DLG2: variants seen among roughly 807,000 people sequenced by gnomAD.
DLG2 encodes disks large homolog 2.
Under a neutral mutation model 132.5 loss-of-function variants are expected in DLG2, and 45 were observed. The observed-to-expected ratio is 0.34, with a 90% confidence interval of 0.27 to 0.44. The LOEUF is 0.44. Among genes scored for constraint, DLG2 ranks in the 20% least tolerant of loss-of-function variants. The pLI is 1.00. For missense variants in DLG2, 1,045 were observed against 1,196.9 expected, an observed-to-expected ratio of 0.87 and a Z score of 1.87; for synonymous variants, 424 against 419.6, an observed-to-expected ratio of 1.01 and a Z score of -0.13.
intron 8 of DLG2, among the ~76,000 whole-genome samples, chr11:84,235,006 C>T (rs920669547): frequency 7.9e-5 from 12 of 152,156 alleles, no homozygotes; most frequent in South Asian, 2.1e-4. Flanking sequence ...GTGAAGCCTG[C>T]GGCCTGGAAG....
intron 3 of DLG2, among the ~76,000 whole-genome samples, chr11:85,465,205 C>T (rs192220221): frequency 6.3e-5 from 9 of 142,156 alleles, no homozygotes; most frequent in African/African-American, 1.8e-4. Flanking sequence ...TGTCGTGGCA[C>T]AATCATAGCT....
At chr11:85,384,960 G>C (rs534058225) in intron 3 of DLG2, among the ~76,000 whole-genome samples, 2 of 152,264 alleles carry the variant, frequency 1.3e-5, no homozygotes, top group South Asian at 4.1e-4. Flanking sequence ...GATTAAATGA[G>C]AAAAAATAAA....
At chr11:85,120,331 G>C (rs751588479) in intron 5 of DLG2, among the ~76,000 whole-genome samples, 1 of 151,980 alleles carries the variant, frequency 6.6e-6, no homozygotes, top group Non-Finnish European at 1.5e-5. Context: ...TATGTTCTCA[G>C]TTTAAACAGA....
At chr11:84,744,777 G>T (rs754974987) in intron 6 of DLG2, among the ~76,000 whole-genome samples, 2 of 151,552 alleles carry the variant, frequency 1.3e-5, no homozygotes, top group East Asian at 1.9e-4. Flanking sequence ...AAATAAATAA[G>T]TCTGATGGGA....
At chr11:83,893,021 G>C (rs2070429241) in intron 15 of DLG2, among the ~76,000 whole-genome samples, 1 of 152,168 alleles carries the variant, frequency 6.6e-6, no homozygotes, top group Non-Finnish European at 1.5e-5. Flanking sequence ...ACCGCTCACT[G>C]AGTTCAGTTG....
At chr11:84,016,905 G>A (rs1217759884) in intron 11 of DLG2, among the ~76,000 whole-genome samples, 1 of 152,048 alleles carries the variant, frequency 6.6e-6, no homozygotes, top group Admixed American at 6.6e-5. Flanking sequence ...TAAATAAACA[G>A]AATGATGAGA....
chr11:84,820,135 T>G (rs1202838136), intron 6 of DLG2, among the ~76,000 whole-genome samples: 1 of 151,410 alleles, frequency 6.6e-6, no homozygotes, highest in Non-Finnish European at 1.5e-5. Context: ...TTAAGGCCAT[T>G]ATACCAAATA....
At chr11:83,718,532 G>GAAAAAAAAAAAA (rs57237354) in intron 18 of DLG2, among the ~76,000 whole-genome samples, 24 of 105,926 alleles carry the variant, frequency 2.3e-4, no homozygotes, top group Non-Finnish European at 3.6e-4. Context: ...CTCAAAAAAA[G>GAAAAAAAAAAAA]AAAAAAAAAA....
At position 84,279,350 on chromosome 11, in the gene DLG2, AC is replaced by A. The variant is rs561271166; in HGVS notation, c.520-28060del. On this transcript the variant is annotated intron_variant, in intron 7 of 27. Transcript: ENST00000376104. ...TGTGGAGAAATAGGAACAATTTTAC[AC>A]TGTTGGTGGGAGTGTAAATTAATTC... Among the ~76,000 whole-genome samples the A allele has an allele frequency of 3.9e-4, 59 of 152,320 alleles. No individual in the cohort carries two copies. In the East Asian group the frequency reaches 0.01, roughly 26 times the overall value.
chr11:83,581,013 A>C lies in DLG2; in HGVS notation c.1941-39155T>G, dbSNP rs562508100. 4.6e-5 allele frequency among the ~76,000 whole-genome samples: 7 copies of C among 150,690 alleles called. No individual in the cohort carries two copies. In the South Asian group the frequency reaches 1.5e-3, roughly 32 times the overall value. Reference sequence around the variant, plus strand: ...TTGGCAATCTTTCTCTTGTAGCAGAAAGTTCAACATGTACTAATTAGGCAC... The same window carrying C: ...TTGGCAATCTTTCTCTTGTAGCAGACAGTTCAACATGTACTAATTAGGCAC... On this transcript the variant is annotated intron_variant, in intron 19 of 27. Transcript: ENST00000376104.
chr11:85,164,977 C>A (rs2078328196), intron 4 of DLG2, among the ~76,000 whole-genome samples: 1 of 152,176 alleles, frequency 6.6e-6, no homozygotes, highest in Non-Finnish European at 1.5e-5. Flanking sequence ...CTTCAACCTA[C>A]TGAATCAAAC....
At chr11:83,701,318 G>C (rs955572006) in intron 18 of DLG2, among the ~76,000 whole-genome samples, 2 of 152,100 alleles carry the variant, frequency 1.3e-5, no homozygotes, top group Non-Finnish European at 2.9e-5. Context: ...ACCTTATAGG[G>C]ATGTTATGAG....
intron 6 of DLG2, among the ~76,000 whole-genome samples, chr11:84,600,487 G>C (rs1043764332): frequency 9.9e-5 from 15 of 152,030 alleles, no homozygotes; most frequent in Admixed American, 3.3e-4. Context: ...AGAAATATTC[G>C]ACAGATTATT....
chr11:85,262,062 C>G (rs538332280), intron 4 of DLG2, among the ~76,000 whole-genome samples: 5 of 152,112 alleles, frequency 3.3e-5, no homozygotes, highest in Non-Finnish European at 5.9e-5. Context: ...TGGCAGAGAT[C>G]GCAATCCTGA....
chr11:84,642,115 A>AGTGT (rs1565535846), intron 6 of DLG2, among the ~76,000 whole-genome samples: 1 of 103,342 alleles, frequency 9.7e-6, no homozygotes, highest in South Asian at 4.2e-4. Context: ...GTGTATATGT[A>AGTGT]GAGTGTGTGT....
chr11:85,368,629 C>A (rs1285774124), intron 3 of DLG2, among the ~76,000 whole-genome samples: 1 of 152,216 alleles, frequency 6.6e-6, no homozygotes, highest in African/African-American at 2.4e-5. Flanking sequence ...CCAATCAGAA[C>A]CAACGCTTTC....
intron 7 of DLG2, among the ~76,000 whole-genome samples, chr11:84,280,896 T>G (rs35176599): frequency 1.4e-5 from 2 of 139,672 alleles, no homozygotes; most frequent in East Asian, 2.1e-4. Context: ...TTTTTTTTTG[T>G]ATTTTTAGTA....
chr11:83,825,736 A>G (rs1461724610), intron 17 of DLG2, among the ~76,000 whole-genome samples: 1 of 152,110 alleles, frequency 6.6e-6, no homozygotes, highest in Admixed American at 6.5e-5. Context: ...TCCTTTTTGT[A>G]CAACAGTGAA....
chr11:84,128,923 G>C (rs1272088206), intron 9 of DLG2, among the ~76,000 whole-genome samples: 1 of 152,054 alleles, frequency 6.6e-6, no homozygotes, highest in Non-Finnish European at 1.5e-5. Flanking sequence ...GGCATGTTCT[G>C]CTAGAAACTT....
Sources: gnomAD v4.1 joint callset for allele counts (sites outside exome capture counted in the v4.1 genomes callset) on GRCh38, gnomAD v4.1.1 for gene constraint, MANE v1.5 for transcripts, NCBI Gene and HGNC (gene_info 2026-07-23, HGNC 2026-07-21) for gene names.